Variants in LRMDA observed in about 807,000 individuals in gnomAD.
LRMDA encodes leucine-rich melanocyte differentiation-associated protein.
A neutral mutation model predicts 29.8 loss-of-function variants in LRMDA; 18 were observed. The ratio of observed to expected loss-of-function variants is 0.60; its 90% CI spans 0.42 to 0.90. The LOEUF is 0.90. LRMDA is among the 40% of genes least tolerant of loss of function. The probability of loss-of-function intolerance (pLI) is 0.00; values close to 1 mark genes in which losing one functional copy is unlikely to be tolerated. For missense variants in LRMDA, 273 were observed against 273.9 expected, an observed-to-expected ratio of 1.00 and a Z score of 0.02; for synonymous variants, 125 against 109.4, an observed-to-expected ratio of 1.14 and a Z score of -0.89.
intron 2 of LRMDA, among the ~76,000 whole-genome samples, chr10:75,449,489 G>A (rs886164594): frequency 1.3e-5 from 2 of 148,234 alleles, no homozygotes; most frequent in Non-Finnish European, 3.0e-5. Flanking sequence ...TGCCAAGCCT[G>A]TATTTACTTT....
chr10:75,822,956 A>C (rs960766973), intron 2 of LRMDA, among the ~76,000 whole-genome samples: 1 of 152,224 alleles, frequency 6.6e-6, no homozygotes, highest in Non-Finnish European at 1.5e-5. Flanking sequence ...CTGGACTTCT[A>C]TCTCTTACCA....
At chr10:76,334,332 G>C (rs954469690) in intron 6 of LRMDA, among the ~76,000 whole-genome samples, 3 of 152,116 alleles carry the variant, frequency 2.0e-5, no homozygotes, top group Non-Finnish European at 4.4e-5. Context: ...CCTGCCCCAG[G>C]TTTTTCCTCA....
Position 75,677,879 on chromosome 10 carries a change from G to T in LRMDA, c.131+239385G>T, listed in dbSNP as rs567729525. ...ATTCAGTTTATATGCGATTAAGGTG[G>T]TCAAATAAAAATGTGAATGAAACAT... On this transcript the variant is annotated intron_variant, in intron 2 of 6. Coordinates refer to ENST00000611255, the MANE Select transcript of LRMDA (RefSeq NM_001305581.2). 1.0e-3 allele frequency among the ~76,000 whole-genome samples: 156 copies of T among 152,198 alleles called. 1 individual carries two copies. Among genetic ancestry groups the T allele is most frequent in the Non-Finnish European group, 1.9e-3 (128 of 68,026 alleles).
At chr10:75,868,761 C>G (rs1028228505) in intron 2 of LRMDA, among the ~76,000 whole-genome samples, 1 of 152,086 alleles carries the variant, frequency 6.6e-6, no homozygotes, top group Non-Finnish European at 1.5e-5. Context: ...TCCCACTGCT[C>G]AGAAAGCCCC....
chr10:76,245,902 A>G (rs16933093), intron 5 of LRMDA, among the ~76,000 whole-genome samples: 10,757 of 152,286 alleles, frequency 0.071, 546 homozygotes, highest in African/African-American at 0.14. Flanking sequence ...ACTAACATAA[A>G]GGGAATACCT....
At chr10:75,432,439 G>A (rs1844210820) in intron 1 of LRMDA, among the ~76,000 whole-genome samples, 1 of 152,234 alleles carries the variant, frequency 6.6e-6, no homozygotes, top group Non-Finnish European at 1.5e-5. Flanking sequence ...AGTCTCACAT[G>A]CTTTGAGCTC....
At chr10:76,128,596 A>T (rs1446295100) in intron 5 of LRMDA, among the ~76,000 whole-genome samples, 1 of 152,182 alleles carries the variant, frequency 6.6e-6, no homozygotes, top group African/African-American at 2.4e-5. Context: ...GGCTTTACTG[A>T]TGGAGATGAT....
chr10:76,054,385 ACAG>A (rs1848576478), intron 4 of LRMDA, among the ~76,000 whole-genome samples: 1 of 151,946 alleles, frequency 6.6e-6, no homozygotes, highest in African/African-American at 2.4e-5. Flanking sequence ...TGATCTGAAA[ACAG>A]CAGCTCTTTG....
At chr10:75,973,001 A>G (rs947256973) in intron 2 of LRMDA, among the ~76,000 whole-genome samples, 1 of 147,560 alleles carries the variant, frequency 6.8e-6, no homozygotes, top group Non-Finnish European at 1.5e-5. Context: ...AAGTCCTTTC[A>G]GGACAAAACC....
chr10:76,440,404 C>A (rs530446436), intron 6 of LRMDA, among the ~76,000 whole-genome samples: 1 of 152,156 alleles, frequency 6.6e-6, no homozygotes, highest in Non-Finnish European at 1.5e-5. Flanking sequence ...TTACTTCTCA[C>A]CCCAAAATGG....
At chr10:75,766,580 CT>C (rs1415354538) in intron 2 of LRMDA, among the ~76,000 whole-genome samples, 1 of 151,900 alleles carries the variant, frequency 6.6e-6, no homozygotes, top group Non-Finnish European at 1.5e-5. Flanking sequence ...TTCTTTCTTT[CT>C]TTTTTTAGAT....
At chr10:75,667,901 CT>C (rs1841843345) in intron 2 of LRMDA, among the ~76,000 whole-genome samples, 1 of 152,186 alleles carries the variant, frequency 6.6e-6, no homozygotes, top group Admixed American at 6.5e-5. Flanking sequence ...GGATTAGAAG[CT>C]TTTGAATCAA....
chr10:75,771,083 T>G (rs1843234070), intron 2 of LRMDA, among the ~76,000 whole-genome samples: 1 of 152,142 alleles, frequency 6.6e-6, no homozygotes, highest in Non-Finnish European at 1.5e-5. Context: ...GAACTGTCCC[T>G]GGGGGTTGGT....
At chr10:75,491,814 C>T (rs1650524933) in intron 2 of LRMDA, among the ~76,000 whole-genome samples, 1 of 152,224 alleles carries the variant, frequency 6.6e-6, no homozygotes, top group Non-Finnish European at 1.5e-5. Context: ...GGAATATGTT[C>T]CTCTTTCTTA....
intron 5 of LRMDA, among the ~76,000 whole-genome samples, chr10:76,303,782 A>G (rs1241650783): frequency 6.7e-6 from 1 of 149,144 alleles, no homozygotes; most frequent in African/African-American, 2.5e-5. Context: ...GAGTTCTATT[A>G]ATGACCTGCA....
intron 6 of LRMDA, among the ~76,000 whole-genome samples, chr10:76,347,218 A>G (rs9971267): frequency 0.11 from 16,478 of 152,180 alleles, 1,044 homozygotes; most frequent in East Asian, 0.32. Flanking sequence ...TTCTGTCTTT[A>G]TTAGTCCTTT....
intron 2 of LRMDA, among the ~76,000 whole-genome samples, chr10:75,630,029 A>G (rs1464350455): frequency 3.9e-5 from 6 of 152,254 alleles, no homozygotes; most frequent in African/African-American, 1.4e-4. Context: ...TTTTATTTAC[A>G]TAAATCATCG....
intron 6 of LRMDA, among the ~76,000 whole-genome samples, chr10:76,419,325 A>G (rs912933179): frequency 1.3e-5 from 2 of 152,152 alleles, no homozygotes; most frequent in East Asian, 3.9e-4. Context: ...TGTAATATAA[A>G]TGGAATCATA....
intron 2 of LRMDA, among the ~76,000 whole-genome samples, chr10:75,520,908 T>G (rs1845349169): frequency 6.6e-6 from 1 of 152,184 alleles, no homozygotes; most frequent in African/African-American, 2.4e-5. Context: ...TATTCCCCTT[T>G]CTGTTTGTTA....
Sources: gnomAD v4.1 joint callset for allele counts (sites outside exome capture counted in the v4.1 genomes callset) on GRCh38, gnomAD v4.1.1 for gene constraint, MANE v1.5 for transcripts, NCBI Gene and HGNC (gene_info 2026-07-23, HGNC 2026-07-21) for gene names.